Variants in MALRD1 observed in about 807,000 individuals in gnomAD.
MALRD1 encodes the protein MAM and LDL-receptor class A domain-containing protein 1.
A neutral mutation model predicts 242.1 loss-of-function variants in MALRD1; 247 were observed. That is an observed-to-expected ratio of 1.02 (90% CI 0.92 to 1.13). The LOEUF (loss-of-function observed/expected upper bound fraction) is 1.13, where lower values mean the gene tolerates loss of function less well. Ranked by LOEUF, MALRD1 falls within the 50% of genes most tolerant of loss-of-function variation. MALRD1 has a pLI of 0.00. For synonymous variants in MALRD1, 995 were observed against 866.6 expected, an observed-to-expected ratio of 1.15 and a Z score of -2.60; for missense variants, 2,989 against 2,533.1, an observed-to-expected ratio of 1.18 and a Z score of -3.86.
chr10:19,300,235 GA>G (rs1214559631), intron 21 of MALRD1, among the ~76,000 whole-genome samples: 1 of 151,792 alleles, frequency 6.6e-6, no homozygotes, highest in African/African-American at 2.4e-5. Flanking sequence ...CAAGCAAACG[GA>G]AAAGAAATTC....
At chr10:19,236,620 T>C (rs969282329) in intron 18 of MALRD1, among the ~76,000 whole-genome samples, 2 of 152,152 alleles carry the variant, frequency 1.3e-5, no homozygotes, top group African/African-American at 2.4e-5. Context: ...TATATTTTGC[T>C]TCACATCAGG....
At chr10:19,123,818 C>G (rs1837153437) in intron 6 of MALRD1, among the ~76,000 whole-genome samples, 1 of 151,986 alleles carries the variant, frequency 6.6e-6, no homozygotes, top group South Asian at 2.1e-4. Context: ...TGCAATGTTT[C>G]TTCTATAAAA....
chr10:19,107,639 A>C (rs1836516270), intron 5 of MALRD1, among the ~76,000 whole-genome samples: 1 of 149,108 alleles, frequency 6.7e-6, no homozygotes, highest in African/African-American at 2.5e-5. Flanking sequence ...TAATGTTATT[A>C]TTAACAGATA....
intron 29 of MALRD1, among the ~76,000 whole-genome samples, chr10:19,468,617 G>T (rs77283279): frequency 0.05 from 7,588 of 151,734 alleles, 222 homozygotes; most frequent in Middle Eastern, 0.078. Context: ...TTGGCAACGA[G>T]ATAAAATTTT....
intron 29 of MALRD1, among the ~76,000 whole-genome samples, chr10:19,477,965 T>C (rs1034035061): frequency 2.6e-5 from 4 of 152,224 alleles, no homozygotes; most frequent in Non-Finnish European, 4.4e-5. Context: ...CCTTTTCTAC[T>C]GGCACAGTTG....
At chr10:19,726,085 A>G (rs2131924509) in intron 38 of MALRD1, among the ~76,000 whole-genome samples, 1 of 152,346 alleles carries the variant, frequency 6.6e-6, no homozygotes, top group South Asian at 2.1e-4. Context: ...GCAACAACAA[A>G]AAATAAATAA....
intron 4 of MALRD1, among the ~76,000 whole-genome samples, chr10:19,094,763 A>C (rs576817127): frequency 6.6e-6 from 1 of 152,346 alleles, no homozygotes; most frequent in South Asian, 2.1e-4. Context: ...TATTCATTTC[A>C]TAGATAAACT....
At chr10:19,237,476 T>C (rs1319258632) in intron 18 of MALRD1, among the ~76,000 whole-genome samples, 1 of 141,296 alleles carries the variant, frequency 7.1e-6, no homozygotes, top group Non-Finnish European at 1.5e-5. Context: ...TTTCATTCTT[T>C]TTTTATGGCT....
At chr10:19,452,807 G>T (rs75101181) in intron 29 of MALRD1, among the ~76,000 whole-genome samples, 1 of 152,108 alleles carries the variant, frequency 6.6e-6, no homozygotes, top group Non-Finnish European at 1.5e-5. Flanking sequence ...AGCAAAACAC[G>T]TCAAAGTCAG....
intron 5 of MALRD1, among the ~76,000 whole-genome samples, chr10:19,118,814 C>G (rs530751018): frequency 1.1e-4 from 17 of 152,188 alleles, no homozygotes; most frequent in African/African-American, 4.1e-4. Context: ...ATTTATATAT[C>G]CAGCTATAAA....
chr10:19,582,054 C>T (rs1335004430), intron 33 of MALRD1, among the ~76,000 whole-genome samples: 6 of 152,086 alleles, frequency 3.9e-5, no homozygotes, highest in African/African-American at 1.4e-4. Flanking sequence ...CCTTTGCCCA[C>T]TTTTTGATGG....
chr10:19,599,862 G>T (rs938127134), intron 34 of MALRD1, among the ~76,000 whole-genome samples: 3 of 152,102 alleles, frequency 2.0e-5, no homozygotes, highest in Non-Finnish European at 2.9e-5. Context: ...TCTTCGCTCT[G>T]TATTAATCTG....
intron 18 of MALRD1, among the ~76,000 whole-genome samples, chr10:19,241,908 A>G (rs1352947421): frequency 6.6e-6 from 1 of 152,154 alleles, no homozygotes; most frequent in African/African-American, 2.4e-5. Context: ...TGTCACTGTA[A>G]TCAGAAAAGA....
intron 24 of MALRD1, among the ~76,000 whole-genome samples, chr10:19,338,939 A>G (rs1435797459): frequency 6.9e-6 from 1 of 145,582 alleles, no homozygotes; most frequent in Non-Finnish European, 1.5e-5. Context: ...ATATGCTAGT[A>G]TATACATATA....
chr10:19,177,682 C>G (rs935416190), intron 14 of MALRD1, among the ~76,000 whole-genome samples: 1 of 152,030 alleles, frequency 6.6e-6, no homozygotes, highest in Non-Finnish European at 1.5e-5. Flanking sequence ...GCCCCTTTTC[C>G]TATTTAGAAA....
At chr10:19,217,715 C>CA (rs1554813364) in intron 18 of MALRD1, among the ~76,000 whole-genome samples, 1 of 151,848 alleles carries the variant, frequency 6.6e-6, no homozygotes, top group East Asian at 1.9e-4. Context: ...TTAGTAGAGA[C>CA]GGATTTCGCT....
intron 39 of MALRD1, among the ~76,000 whole-genome samples, chr10:19,732,309 C>G (rs565430333): frequency 1.3e-5 from 2 of 152,282 alleles, no homozygotes; most frequent in South Asian, 4.1e-4. Flanking sequence ...GCCACCCAGG[C>G]TGGAGTGCAA....
chr10:19,098,915 G>A (rs1392079941), intron 4 of MALRD1, among the ~76,000 whole-genome samples: 1 of 152,194 alleles, frequency 6.6e-6, no homozygotes, highest in Non-Finnish European at 1.5e-5. Flanking sequence ...GGGCACTAAA[G>A]ATTGGTCAGA....
intron 18 of MALRD1, among the ~76,000 whole-genome samples, chr10:19,213,862 C>T (rs1233630285): frequency 1.3e-5 from 2 of 152,138 alleles, no homozygotes; most frequent in African/African-American, 4.8e-5. Flanking sequence ...TTTAAAAATT[C>T]ATTAGGTGGG....
Sources: gnomAD v4.1 joint callset for allele counts (sites outside exome capture counted in the v4.1 genomes callset) on GRCh38, gnomAD v4.1.1 for gene constraint, MANE v1.5 for transcripts, NCBI Gene and HGNC (gene_info 2026-07-23, HGNC 2026-07-21) for gene names.